KCNT1: variants seen among roughly 807,000 people sequenced by gnomAD.
The protein encoded by KCNT1 is potassium channel subfamily T member 1.
KCNT1 carries 78 observed loss-of-function variants against 147.8 expected under a neutral mutation model. That is an observed-to-expected ratio of 0.53 (90% confidence interval 0.44 to 0.64). The LOEUF (loss-of-function observed/expected upper bound fraction) is 0.64. Ranked by LOEUF, KCNT1 falls within the 30% of genes least tolerant of loss-of-function variation. The pLI, the probability that KCNT1 is intolerant of heterozygous loss-of-function variation, is 0.00. For synonymous variants in KCNT1, 867 were observed against 748.8 expected, an observed-to-expected ratio of 1.16 and a Z score of -2.58; for missense variants, 1,419 against 1,750.3, an observed-to-expected ratio of 0.81 and a Z score of 3.38.
At chr9:135,779,278 C>T (rs1278218466) in intron 23 of KCNT1, 81 bp from the exon 24 acceptor site, 2 of 846,872 alleles carry the variant, frequency 2.4e-6, no homozygotes, top group Non-Finnish European at 3.9e-6. Flanking sequence ...GAGACCCCCA[C>T]AGCCACATGA....
chr9:135,780,885 C>A (rs1556418), intron 24 of KCNT1, among the ~76,000 whole-genome samples: 2 of 152,226 alleles, frequency 1.3e-5, no homozygotes, highest in Non-Finnish European at 2.9e-5. Context: ...GACAGGGATG[C>A]TGCCGTGGAG....
rs146032445 is a variant in KCNT1, at chr9:135,765,099, G to A, written c.1104G>A (p.Ala368=). The A allele has an allele frequency of 2.2e-4, 357 of 1,613,496 alleles. 1 individual carries two copies. The highest frequency in any genetic ancestry group is 2.0e-3 in the East Asian group (91 of 44,880). The change falls in exon 12 of 31, where the codon GCG becomes GCA. Residue 368 remains alanine, a synonymous_variant. Coordinates refer to ENST00000371757, the MANE Select transcript of KCNT1 (RefSeq NM_020822.3). ...GGGGCAACTACAGCCGCCACCGTGC[G>A]CAGACGGAGAAGCACGTGGTCCTGT... ...KSGGNYSRHR[A]QTEKHVVLCV...
Position 135,702,226 on chromosome 9 carries a change from C to T in KCNT1, c.-33C>T. 5 of 1,508,402 alleles carry T rather than the reference C, an allele frequency of 3.3e-6. No individual in the cohort carries two copies. The highest frequency in any genetic ancestry group is 4.7e-5 in the East Asian group (2 of 42,914). 93.4% of individuals were successfully genotyped at this position (1,508,402 alleles called of 1,614,324 possible). A position where few individuals can be genotyped will look rare whatever the true frequency, so the allele number is the denominator to read the frequency against. ...AGAAGGTGGCGGCTCCCACTCGCTT[C>T]TCCCTCGGGTCGGGTCCGAGCTGCC... On this transcript the variant is annotated 5_prime_UTR_variant, in exon 1 of 31. Coordinates refer to ENST00000371757, the MANE Select transcript of KCNT1 (RefSeq NM_020822.3).
Position 135,779,485 on chromosome 9 carries a change from C to G in KCNT1, c.2841+15C>G. 1 of 1,558,350 alleles carries G rather than the reference C, an allele frequency of 6.4e-7. No homozygotes were observed. The highest frequency in any genetic ancestry group is 1.4e-5 in the African/African-American group (1 of 73,968). On this transcript the variant is annotated intron_variant, in intron 24 of 30. Transcript: ENST00000371757. The stretch of plus-strand genomic sequence containing the variant: ...AACTAGAAAAGGTGAGCAGCCCTGC[C>G]CCGTGCCAGCTGCCACCCCAGAATC...
At position 135,786,329 on chromosome 9, in the gene KCNT1, C is replaced by CT. The variant is rs1564394112; in HGVS notation, c.3311dup (p.Leu1105AlafsTer41). 3 of 1,596,976 alleles carry CT rather than the reference C, an allele frequency of 1.9e-6. No homozygotes were observed. Among genetic ancestry groups the CT allele is most frequent in the Non-Finnish European group, 2.6e-6 (3 of 1,173,210 alleles). On this transcript the variant is annotated frameshift_variant, in exon 29 of 31. Transcript: ENST00000371757. LOFTEE classifies it high-confidence loss of function. ...CGGCGGTGACCCCGCAGAGCACCCA[C>CT]TGCTACGGCGCAAGAGCCTGCAGTG...
At chr9:135,785,161 A>C in intron 27 of KCNT1, 149 bp from the exon 28 acceptor site, 1 of 1,278,780 alleles carries the variant, frequency 7.8e-7, no homozygotes, top group Non-Finnish European at 1.1e-6. Context: ...CTTCAGGAAG[A>C]ATACGGGCAG....
At chr9:135,747,955 T>A (rs1830932210) in intron 2 of KCNT1, among the ~76,000 whole-genome samples, 1 of 152,150 alleles carries the variant, frequency 6.6e-6, no homozygotes, top group South Asian at 2.1e-4. Flanking sequence ...TTATTATTCA[T>A]TTTTGAGACA....
chr9:135,788,787 C>T lies in KCNT1; in HGVS notation c.3502+2266C>T, dbSNP rs569624852. ...GCTCGAGCAGAGCCGCTCCACACCCCGTTTCCTCCAAGAACATGCTGTGCC... is the reference window on the plus strand; with the variant it reads ...GCTCGAGCAGAGCCGCTCCACACCCTGTTTCCTCCAAGAACATGCTGTGCC... On this transcript the variant is annotated intron_variant, in intron 29 of 30. Coordinates refer to ENST00000371757, the MANE Select transcript of KCNT1 (RefSeq NM_020822.3). Among the ~76,000 whole-genome samples, 19 of 152,316 alleles carry T rather than the reference C, an allele frequency of 1.2e-4. No homozygotes were observed. In the South Asian group the frequency reaches 3.1e-3, roughly 25 times the overall value.
chr9:135,786,188 C>A lies in KCNT1; in HGVS notation c.3178-9C>A, dbSNP rs1199750865. On this transcript the variant is annotated splice_polypyrimidine_tract_variant and intron_variant, in intron 28 of 30. Coordinates refer to ENST00000371757, the MANE Select transcript of KCNT1 (RefSeq NM_020822.3). ...CCCTCCCCGCCCTGCCCTGCCCTGC[C>A]CTGCCCAGTCCCAGATCTCGGTGAA... 1.9e-6 allele frequency: 3 copies of A among 1,607,324 alleles called. No homozygotes were observed. In the South Asian group the frequency reaches 3.3e-5, roughly 18 times the overall value.
intron 22 of KCNT1, 40 bp from the exon 23 acceptor site, chr9:135,778,648 G>A: frequency 6.2e-7 from 1 of 1,611,940 alleles, no homozygotes; most frequent in South Asian, 1.1e-5. Context: ...GTGGGGAGTG[G>A]GCCGCATCCT....
At chr9:135,722,284 C>G (rs563650718) in intron 2 of KCNT1, among the ~76,000 whole-genome samples, 2 of 151,976 alleles carry the variant, frequency 1.3e-5, no homozygotes, top group Non-Finnish European at 2.9e-5. Flanking sequence ...CTGCATCCCC[C>G]GTCCCACCCC....
intron 2 of KCNT1, 78 bp from the exon 3 acceptor site, chr9:135,750,020 C>A: frequency 1.7e-6 from 2 of 1,150,550 alleles, no homozygotes; most frequent in South Asian, 1.3e-5. Context: ...AGAAGTCAGT[C>A]AGGTTGGGGC....
intron 13 of KCNT1, among the ~76,000 whole-genome samples, chr9:135,766,040 C>G (rs1224777368): frequency 2.7e-5 from 4 of 149,636 alleles, no homozygotes; most frequent in Non-Finnish European, 1.5e-5. Flanking sequence ...AGTGAACTGT[C>G]AAGGGTGGAC....
intron 24 of KCNT1, among the ~76,000 whole-genome samples, chr9:135,781,397 G>A (rs1190976306): frequency 3.3e-5 from 5 of 152,130 alleles, no homozygotes; most frequent in Non-Finnish European, 7.4e-5. Context: ...TGCAGAGGCT[G>A]GGATCCGCCT....
chr9:135,729,963 G>A (rs891629368), intron 2 of KCNT1, among the ~76,000 whole-genome samples: 1 of 152,144 alleles, frequency 6.6e-6, no homozygotes, highest in African/African-American at 2.4e-5. Flanking sequence ...TGTGGCTCTT[G>A]GCCCCCTCTG....
intron 10 of KCNT1, 114 bp from the exon 11 acceptor site, chr9:135,759,565 T>C: frequency 8.6e-7 from 1 of 1,162,532 alleles, no homozygotes; most frequent in Non-Finnish European, 1.2e-6. Context: ...CGCCTGGTGA[T>C]GCACAGCTCA....
chr9:135,785,179 G>A (rs1833943017), intron 27 of KCNT1, 131 bp from the exon 28 acceptor site: 5 of 1,384,816 alleles, frequency 3.6e-6, no homozygotes, highest in Middle Eastern at 2.3e-4. Context: ...CAGCCCCTGT[G>A]CTGCAGTCCA....
In KCNT1 at chr9:135,772,956, G is replaced by A. The variant is rs1187464684; in HGVS notation, c.2243+7G>A. 1 of 1,459,678 alleles carries A rather than the reference G, an allele frequency of 6.9e-7. No homozygotes were observed. Among genetic ancestry groups the A allele is most frequent in the East Asian group, 2.6e-5 (1 of 38,242 alleles). 90.4% of individuals were successfully genotyped at this position (1,459,678 alleles called of 1,614,324 possible). A position where few individuals can be genotyped will look rare whatever the true frequency, so the allele number is the denominator to read the frequency against. On this transcript the variant is annotated splice_region_variant and intron_variant, in intron 19 of 30. Coordinates refer to ENST00000371757, the MANE Select transcript of KCNT1 (RefSeq NM_020822.3). ...AGGGGCTCTCCGTGGTAGAGTGAGT[G>A]CTGCCTTGGAGACGGCTCCCAGTGG...
Position 135,756,799 on chromosome 9 carries a change from G to T in KCNT1, c.541-74G>T, listed in dbSNP as rs527973128. The T allele has an allele frequency of 3.4e-5, 42 of 1,242,110 alleles. No homozygotes were observed. In the Admixed American group the frequency reaches 4.9e-4, roughly 14 times the overall value. The allele number at this position is 1,242,110 out of a possible 1,614,324, so 76.9% of individuals were successfully genotyped here. A position where few individuals can be genotyped will look rare whatever the true frequency, so the allele number is the denominator to read the frequency against. ...ACCTGGCTTTGTGTGGTACCTGCCC[G>T]CGAGGCCTGTGGGGTCAGGCCCCAG... is the stretch of plus-strand genomic sequence containing the variant. On this transcript the variant is annotated intron_variant, in intron 6 of 30. Transcript: ENST00000371757.
Sources: gnomAD v4.1 joint callset for allele counts (sites outside exome capture counted in the v4.1 genomes callset) on GRCh38, gnomAD v4.1.1 for gene constraint, MANE v1.5 for transcripts, NCBI Gene and HGNC (gene_info 2026-07-23, HGNC 2026-07-21) for gene names.